The following ZNF160 variants were observed in gnomAD, a reference collection of about 807,000 sequenced individuals.
ZNF160 encodes the protein zinc finger protein 160, also known as KRAB zinc finger protein KR18.
ZNF160 carries 9 observed loss-of-function variants against 13.1 expected under a neutral mutation model. That is an observed-to-expected ratio of 0.69 (90% CI 0.41 to 1.20). ZNF160 has a LOEUF of 1.20. ZNF160 is among the 50% of genes most tolerant of loss of function. The pLI is 0.01. For missense variants in ZNF160, 838 were observed against 988.0 expected, an observed-to-expected ratio of 0.85 and a Z score of 2.04; for synonymous variants, 293 against 333.2, an observed-to-expected ratio of 0.88 and a Z score of 1.31.
intron 2 of ZNF160, 103 bp from the exon 3 acceptor site, chr19:53,086,424 C>G (rs329718): frequency 1.0e-6 from 1 of 993,842 alleles, no homozygotes; most frequent in Non-Finnish European, 1.4e-6. Flanking sequence ...CACAGTCACA[C>G]GCACAGATCT....
At chr19:53,073,061 A>T in intron 5 of ZNF160, 1 of 762,596 alleles carries the variant, frequency 1.3e-6, no homozygotes, top group East Asian at 4.7e-5. Context: ...CTATTACCAT[A>T]TAAGTCATCT....
chr19:53,097,504 C>G (rs2085282747), intron 1 of ZNF160, among the ~76,000 whole-genome samples: 2 of 151,576 alleles, frequency 1.3e-5, no homozygotes, highest in Non-Finnish European at 2.9e-5. Context: ...GTTATGAAAT[C>G]TCACAAGCCC....
chr19:53,073,557 A>G (rs2084265482), intron 5 of ZNF160: 1 of 1,540,870 alleles, frequency 6.5e-7, no homozygotes, highest in Non-Finnish European at 8.7e-7. Flanking sequence ...TCTAGACGTC[A>G]GGACTAAGGA....
Position 53,069,284 on chromosome 19 carries a change from G to A in ZNF160, c.1250C>T (p.Thr417Ile). Residue 417 changes from threonine to isoleucine, a missense_variant, in exon 6 of 6, where the codon ACA (threonine) becomes ATA (isoleucine). Around this residue, in one of 3 missense-constraint regions of ZNF160, gnomAD observed 400 missense variants for 538.9 expected, o/e 0.74. Transcript: ENST00000683776. This position sits in a 1 kb window ranked among gnomAD's most constrained non-coding sequence, Gnocchi z 4.4. ...SVRSSLAIHQ[T>I]IHTGEKPYKC... ...GTAAGGTTTTTCTCCAGTGTGGATT[G>A]TCTGATGGATTGCTAGGCTTGAACG... 6.2e-7 allele frequency: 1 copy of A among 1,613,844 alleles called. No homozygotes were observed. Among genetic ancestry groups the A allele is most frequent in the Non-Finnish European group, 8.5e-7 (1 of 1,179,966 alleles).
At position 53,073,533 on chromosome 19, in the gene ZNF160, G is replaced by A. The variant is rs557974778; in HGVS notation, c.271+607C>T. ...GTCTTCCACGCACAGGAAATGGGGT[G>A]GAACATAAACAGGTCTAGACGTCAG... is the stretch of plus-strand genomic sequence containing the variant. On this transcript the variant is annotated intron_variant, in intron 5 of 5. Transcript: ENST00000683776. 4.3e-5 allele frequency: 68 copies of A among 1,588,854 alleles called. No homozygotes were observed. The Middle Eastern group carries it at 8.4e-4, about 20-fold the overall frequency.
chr19:53,086,179 C>A, intron 3 of ZNF160, 83 bp downstream of exon 3: 1 of 1,474,482 alleles, frequency 6.8e-7, no homozygotes, highest in South Asian at 1.2e-5. Context: ...CAGGACGCTT[C>A]AGACTCAGAG....
chr19:53,084,584 T>C (rs917828792), intron 3 of ZNF160, among the ~76,000 whole-genome samples: 1 of 152,186 alleles, frequency 6.6e-6, no homozygotes, highest in Non-Finnish European at 1.5e-5. Flanking sequence ...ACACAGCTCC[T>C]GAATTCCAGG....
intron 1 of ZNF160, chr19:53,095,753 T>C (rs914725522): frequency 7.3e-5 from 11 of 151,626 alleles, no homozygotes; most frequent in African/African-American, 2.7e-4. Flanking sequence ...TATTCACTCA[T>C]CTCCCGTGGA....
At chr19:53,081,321 A>C (rs993011061) in intron 3 of ZNF160, among the ~76,000 whole-genome samples, 2 of 152,210 alleles carry the variant, frequency 1.3e-5, no homozygotes, top group Non-Finnish European at 2.9e-5. Flanking sequence ...TCAACAGAGT[A>C]AACAATCTAC....
chr19:53,090,780 G>A (rs183079341), intron 2 of ZNF160, among the ~76,000 whole-genome samples: 58 of 152,324 alleles, frequency 3.8e-4, no homozygotes, highest in Non-Finnish European at 3.8e-4. Flanking sequence ...CCGGAGCTGC[G>A]GTGCTGCTGT....
Position 53,069,024 on chromosome 19 carries a change from T to C in ZNF160, c.1510A>G (p.Thr504Ala), listed in dbSNP as rs1445169855. ...TTACACTTGTAAGGTTTCTCTCCAG[T>C]ATGAATTCTTCGATGATTTGCAAGT... ...SQLANHRRIH[T>A]GEKPYKCNEC... is the part of the protein sequence containing the mutation. The change falls in exon 6 of 6, where the codon ACT (threonine) becomes GCT (alanine). Residue 504 changes from threonine (T) to alanine (A), a missense_variant. By Grantham distance (58) the Thr-to-Ala change is moderately conservative. Transcript: ENST00000683776. The surrounding 1 kb of genome is among the most constrained non-coding windows in gnomAD (Gnocchi z 4.4). The C allele has an allele frequency of 6.2e-7, 1 of 1,614,194 alleles. No homozygotes were observed. The highest frequency in any genetic ancestry group is 8.5e-7 in the Non-Finnish European group (1 of 1,180,036).
chr19:53,075,049 A>T lies in ZNF160; in HGVS notation c.142+8T>A. The T allele has an allele frequency of 6.2e-7, 1 of 1,614,132 alleles. No homozygotes were observed. On this transcript the variant is annotated splice_region_variant and intron_variant, in intron 4 of 5. Transcript: ENST00000683776. ...AGATCTTGACTTCTGGAAGAAAGTC[A>T]TCCTCACCCAGAGAAACAAGGTTCC... is the stretch of plus-strand genomic sequence containing the variant.
At chr19:53,088,532 AG>A (rs1433507559) in intron 2 of ZNF160, among the ~76,000 whole-genome samples, 4 of 152,074 alleles carry the variant, frequency 2.6e-5, no homozygotes. Context: ...AAAAAAAAAA[AG>A]AATTGAAGAC....
Position 53,068,250 on chromosome 19 carries a change from T to C in ZNF160, c.2284A>G (p.Arg762Gly). The change falls in exon 6 of 6, where the codon AGG becomes GGG. Residue 762 changes from arginine (R) to glycine (G), a missense_variant. Coordinates refer to ENST00000683776, the MANE Select transcript of ZNF160 (RefSeq NM_001322131.2). ...AAGGCTTTCCCACACTCTGTACACC[T>C]GTAAGGTTTCTCCCCAGTATGAATT... Reference protein sequence around the residue: ...RRIHTGEKPYRCTECGKAFRV... With the variant: ...RRIHTGEKPYGCTECGKAFRV... The C allele has an allele frequency of 6.2e-7, 1 of 1,614,112 alleles. No homozygotes were observed. Among genetic ancestry groups the C allele is most frequent in the Non-Finnish European group, 8.5e-7 (1 of 1,179,966 alleles).
chr19:53,068,089 T>G lies in ZNF160; in HGVS notation c.2445A>C (p.Lys815Asn), dbSNP rs1450318598. ...GACCTCACCACACTCATTTGTAAGG[T>G]TTCTCTCCGGTATGCATTCTGTGAT... is the stretch of plus-strand genomic sequence containing the variant. Reference protein sequence around the residue: ...ASHHRMHTGEKPYK With the variant: ...ASHHRMHTGENPYK The change falls in exon 6 of 6, where the codon AAA (lysine) becomes AAC (asparagine). Residue 815 changes from lysine to asparagine, a missense_variant. By Grantham distance (94) the Lys-to-Asn change is moderately conservative. This residue lies in a region of ZNF160 where 51 missense variants were observed against 46.9 expected (regional missense o/e 1.09). Transcript: ENST00000683776. The G allele has an allele frequency of 6.2e-7, 1 of 1,604,384 alleles. No individual in the cohort carries two copies. The highest frequency in any genetic ancestry group is 8.5e-7 in the Non-Finnish European group (1 of 1,174,666).
intron 1 of ZNF160, among the ~76,000 whole-genome samples, chr19:53,100,609 C>T (rs1470433772): frequency 6.6e-6 from 1 of 150,402 alleles, no homozygotes. Context: ...GACTCCGTCT[C>T]CAAAAAAAAA....
rs561283565 is a variant in ZNF160, at chr19:53,079,481, C to T, written c.16-4298G>A. 2.1e-5 allele frequency among the ~76,000 whole-genome samples: 3 copies of T among 144,686 alleles called. No individual in the cohort carries two copies. In the South Asian group the frequency reaches 6.6e-4, roughly 32 times the overall value. The allele number at this position is 144,686 out of a possible 152,430, so 94.9% of individuals were successfully genotyped here. On this transcript the variant is annotated intron_variant, in intron 3 of 5. Coordinates refer to ENST00000683776, the MANE Select transcript of ZNF160 (RefSeq NM_001322131.2). ...AGGAGAATCTCTTGAACCCGAGAGG[C>T]GGAGGTTGCAGTGAGACTGTGCCAC...
chr19:53,093,283 T>A (rs1258663161), intron 1 of ZNF160, among the ~76,000 whole-genome samples: 3 of 152,010 alleles, frequency 2.0e-5, no homozygotes, highest in African/African-American at 7.2e-5. Flanking sequence ...CTACTAAAAA[T>A]ACAAAAATTA....
chr19:53,098,693 C>T (rs1303217323), intron 1 of ZNF160, among the ~76,000 whole-genome samples: 5 of 151,648 alleles, frequency 3.3e-5, no homozygotes, highest in South Asian at 2.1e-4. Context: ...CTGAACTTCT[C>T]GCCACCCTTC....
Sources: allele counts gnomAD v4.1 joint callset (sites outside exome capture counted in the v4.1 genomes callset), GRCh38; gene constraint gnomAD v4.1.1; regional missense constraint gnomAD v4.1.1; non-coding constraint Gnocchi (gnomAD v3.1); transcripts MANE v1.5; gene names NCBI Gene and HGNC (gene_info 2026-07-23, HGNC 2026-07-21).